The following BAIAP2L2 variants were observed in gnomAD, a reference collection of about 807,000 sequenced individuals.
The protein encoded by BAIAP2L2 is BAR/IMD domain containing adaptor protein 2 like 2, also known as BAR/IMD domain-containing adapter protein 2-like 2.
A neutral mutation model predicts 60.4 loss-of-function variants in BAIAP2L2; 65 were observed. That is an observed-to-expected ratio of 1.08 (90% CI 0.88 to 1.32). The LOEUF is 1.32. BAIAP2L2 is among the 40% of genes most tolerant of loss of function. The probability of loss-of-function intolerance (pLI) is 0.00; values close to 1 mark genes in which losing one functional copy is unlikely to be tolerated. For synonymous variants in BAIAP2L2, 344 were observed against 301.7 expected, an observed-to-expected ratio of 1.14 and a Z score of -1.45; for missense variants, 836 against 741.2, an observed-to-expected ratio of 1.13 and a Z score of -1.48.
Position 38,087,219 on chromosome 22 carries a change from C to T in BAIAP2L2, c.1164G>A (p.Gly388=), listed in dbSNP as rs756812987. 6.2e-6 allele frequency: 10 copies of T among 1,605,452 alleles called. 1 individual carries two copies. The South Asian group carries it at 6.7e-5, about 11-fold the overall frequency. Reference sequence around the variant, plus strand: ...TCACGGGGGTCATGGGATTCACGGGCCCCTCCTCCAGAGCCTTCACGTACG... The same window carrying T: ...TCACGGGGGTCATGGGATTCACGGGTCCCTCCTCCAGAGCCTTCACGTACG... ...PEAYVKALEE[G]PVNPMTPVTP... The change falls in exon 11 of 14, where the codon GGG becomes GGA. Residue 388 remains glycine (G), a synonymous_variant. Transcript: ENST00000381669.
chr22:38,089,661 A>G lies in BAIAP2L2; in HGVS notation c.626T>C (p.Leu209Pro). Residue 209 changes from leucine (L) to proline (P), a missense_variant, in exon 8 of 14, where the codon CTC (leucine) becomes CCC (proline). Coordinates refer to ENST00000381669, the MANE Select transcript of BAIAP2L2 (RefSeq NM_025045.6). Reference sequence around the variant, plus strand: ...CTTCCACAGCAGCACGCGGTTCTGGAGCATCCCCCGGGCCTGGCCGGGCGG... The same window carrying G: ...CTTCCACAGCAGCACGCGGTTCTGGGGCATCCCCCGGGCCTGGCCGGGCGG... The part of the protein sequence containing the change: ...LQFFGRARGM[L>P]QNRVLLWKEQ... 8.1e-7 allele frequency: 1 copy of G among 1,230,442 alleles called. No homozygotes were observed. The allele number at this position is 1,230,442 out of a possible 1,614,324, so 76.2% of individuals were successfully genotyped here. A position where few individuals can be genotyped will look rare whatever the true frequency, so the allele number is the denominator to read the frequency against.
chr22:38,105,026 G>T (rs983239759), intron 4 of BAIAP2L2, among the ~76,000 whole-genome samples: 1 of 152,118 alleles, frequency 6.6e-6, no homozygotes, highest in African/African-American at 2.4e-5. Flanking sequence ...GATTCATTAC[G>T]CTCTAATCTG....
At chr22:38,104,496 CTTTTT>C (rs35517234) in intron 4 of BAIAP2L2, among the ~76,000 whole-genome samples, 1 of 137,420 alleles carries the variant, frequency 7.3e-6, no homozygotes, top group Non-Finnish European at 1.6e-5. Flanking sequence ...ACTCAAATTT[CTTTTT>C]TTTTTTTTTT....
In BAIAP2L2 at chr22:38,089,631, T is replaced by A; in HGVS notation, c.656A>T (p.Gln219Leu). 2 of 1,232,600 alleles carry A rather than the reference T, an allele frequency of 1.6e-6. No homozygotes were observed. The highest frequency in any genetic ancestry group is 2.0e-6 in the Non-Finnish European group (2 of 988,672). 76.4% of individuals were successfully genotyped at this position (1,232,600 alleles called of 1,614,324 possible). A position where few individuals can be genotyped will look rare whatever the true frequency, so the allele number is the denominator to read the frequency against. ...CGACGGGCTGCGGCTGGCCTCAGAC[T>A]GCTCCTTCCACAGCAGCACGCGGTT... ...LQNRVLLWKE[Q>L]SEASRSPSRA... is the part of the protein sequence containing the mutation. The change falls in exon 8 of 14, where the codon CAG becomes CTG. Residue 219 changes from glutamine to leucine, a missense_variant. Coordinates refer to ENST00000381669, the MANE Select transcript of BAIAP2L2 (RefSeq NM_025045.6).
chr22:38,089,098 G>T lies in BAIAP2L2; in HGVS notation c.899C>A (p.Ala300Asp). 1.5e-6 allele frequency: 2 copies of T among 1,377,228 alleles called. No individual in the cohort carries two copies. The highest frequency in any genetic ancestry group is 1.9e-6 in the Non-Finnish European group (2 of 1,071,642). 85.3% of individuals were successfully genotyped at this position (1,377,228 alleles called of 1,614,324 possible). ...CGCCCCGGGGCGGGGGCACTCACAGGCCGACGGCGTGCGGGGCAGGGAGCG... is the reference window on the plus strand; with the variant it reads ...CGCCCCGGGGCGGGGGCACTCACAGTCCGACGGCGTGCGGGGCAGGGAGCG... ...DRRSLPRTPS[A>D]SSLYSGSAQS... Residue 300 changes from alanine (A) to aspartate (D), a missense_variant and splice_region_variant, in exon 9 of 14, where the codon GCC (alanine) becomes GAC (aspartate). Ala to Asp is a moderately radical substitution (Grantham distance 126). Coordinates refer to ENST00000381669, the MANE Select transcript of BAIAP2L2 (RefSeq NM_025045.6).
chr22:38,089,575 CG>C lies in BAIAP2L2; in HGVS notation c.711del (p.Ala238ArgfsTer11). 8.1e-7 allele frequency: 1 copy of C among 1,231,548 alleles called. No homozygotes were observed. The highest frequency in any genetic ancestry group is 4.1e-5 in the South Asian group (1 of 24,484). 76.3% of individuals were successfully genotyped at this position (1,231,548 alleles called of 1,614,324 possible). ...SRAHSPGLLG[P>X]ALGPPYPSGR... ...CCCGAGGGGTAGGGCGGCCCCAGCG[CG>C]GGGCCCAGCAGGCCGGGGGAGTGGG... On this transcript the variant is annotated frameshift_variant, in exon 8 of 14. Coordinates refer to ENST00000381669, the MANE Select transcript of BAIAP2L2 (RefSeq NM_025045.6). LOFTEE classifies it high-confidence loss of function.
chr22:38,094,723 G>A (rs939082036), intron 7 of BAIAP2L2, among the ~76,000 whole-genome samples: 32 of 152,168 alleles, frequency 2.1e-4, no homozygotes, highest in Non-Finnish European at 3.5e-4. Context: ...CGGGTGAGGC[G>A]GTGACAGTGG....
chr22:38,104,507 T>C (rs2086624631), intron 4 of BAIAP2L2, among the ~76,000 whole-genome samples: 1 of 151,726 alleles, frequency 6.6e-6, no homozygotes, highest in Non-Finnish European at 1.5e-5. Flanking sequence ...TTTTTTTTTT[T>C]TTTTTTGAGA....
At chr22:38,103,051 TA>T (rs759453514) in intron 4 of BAIAP2L2, among the ~76,000 whole-genome samples, 1,477 of 132,448 alleles carry the variant, frequency 0.011, 7 homozygotes, top group African/African-American at 0.024. Flanking sequence ...ATCTCAAAAT[TA>T]AAAAAAAAAA....
In BAIAP2L2 at chr22:38,089,590, C is replaced by T. The variant is rs1013526799; in HGVS notation, c.697G>A (p.Gly233Ser). ...GGCCCCAGCGCGGGGCCCAGCAGGCCGGGGGAGTGGGCGCGCGACGGGCTG... is the reference window on the plus strand; with the variant it reads ...GGCCCCAGCGCGGGGCCCAGCAGGCTGGGGGAGTGGGCGCGCGACGGGCTG... ...SRSPSRAHSP[G>S]LLGPALGPPY... Residue 233 changes from glycine (G) to serine (S), a missense_variant, in exon 8 of 14, where the codon GGC becomes AGC. Transcript: ENST00000381669. 2.4e-6 allele frequency: 3 copies of T among 1,234,284 alleles called. No individual in the cohort carries two copies. The highest frequency in any genetic ancestry group is 3.2e-5 in the East Asian group (1 of 31,708). The allele number at this position is 1,234,284 out of a possible 1,614,324, so 76.5% of individuals were successfully genotyped here.
chr22:38,089,552 C>G lies in BAIAP2L2; in HGVS notation c.735G>C (p.Ser245=), dbSNP rs2086227845. Residue 245 remains serine, a synonymous_variant, in exon 8 of 14, where the codon TCG becomes TCC. Coordinates refer to ENST00000381669, the MANE Select transcript of BAIAP2L2 (RefSeq NM_025045.6). ...CCAGGCAGGTGGGCGTCAGGCGGCC[C>G]GAGGGGTAGGGCGGCCCCAGCGCGG... ...LGPALGPPYP[S]GRLTPTCLDM... 4.9e-6 allele frequency: 6 copies of G among 1,226,180 alleles called. No homozygotes were observed. In the Admixed American group the frequency reaches 1.3e-4, roughly 26 times the overall value. The allele number at this position is 1,226,180 out of a possible 1,614,324, so 76.0% of individuals were successfully genotyped here. A position where few individuals can be genotyped will look rare whatever the true frequency, so the allele number is the denominator to read the frequency against.
chr22:38,106,164 C>T (rs376897087), intron 4 of BAIAP2L2, among the ~76,000 whole-genome samples: 1 of 152,188 alleles, frequency 6.6e-6, no homozygotes, highest in South Asian at 2.1e-4. Context: ...AAGGAGTCCA[C>T]GGAGCCCAGG....
intron 6 of BAIAP2L2, 60 bp downstream of exon 6, chr22:38,098,003 T>TGCCCAC: frequency 3.7e-6 from 2 of 540,966 alleles, no homozygotes; most frequent in Non-Finnish European, 5.2e-6. Flanking sequence ...GGGCCCGGTC[T>TGCCCAC]CGCCCCGAGG....
chr22:38,097,079 CTGCT>C lies in BAIAP2L2; in HGVS notation c.561_564del (p.Ala188ArgfsTer60), dbSNP rs2086451336. The C allele has an allele frequency of 2.5e-6, 4 of 1,613,996 alleles. No individual in the cohort carries two copies. Among genetic ancestry groups the C allele is most frequent in the Non-Finnish European group, 3.4e-6 (4 of 1,180,020 alleles). On this transcript the variant is annotated frameshift_variant, in exon 7 of 14. Transcript: ENST00000381669. LOFTEE classifies it high-confidence loss of function. Reference sequence around the variant, plus strand: ...GTGTTGGAAAGTAGCAGGTGCTTCTCTGCTAGGAAGCGATAGCGCCGCTTCTCTT... The same window carrying C: ...GTGTTGGAAAGTAGCAGGTGCTTCTCAGGAAGCGATAGCGCCGCTTCTCTT...
intron 7 of BAIAP2L2, 76 bp from the exon 8 acceptor site, chr22:38,089,750 C>T (rs1050103482): frequency 4.2e-6 from 5 of 1,197,200 alleles, no homozygotes; most frequent in South Asian, 4.2e-5. Context: ...ATGACACCCT[C>T]GACCTGAGAG....
chr22:38,109,283 C>T, intron 1 of BAIAP2L2, 75 bp from the exon 2 acceptor site: 1 of 1,238,158 alleles, frequency 8.1e-7, no homozygotes. Flanking sequence ...GGAGTCAAGT[C>T]ACCAGGCGTC....
chr22:38,109,363 AC>A (rs1156317512), intron 1 of BAIAP2L2, among the ~76,000 whole-genome samples, 155 bp from the exon 2 acceptor site: 2 of 152,052 alleles, frequency 1.3e-5, no homozygotes, highest in African/African-American at 4.8e-5. Flanking sequence ...ACCTAGGCTC[AC>A]CCAGAATCCT....
intron 4 of BAIAP2L2, among the ~76,000 whole-genome samples, chr22:38,105,001 G>A (rs1482669494): frequency 6.6e-6 from 1 of 152,076 alleles, no homozygotes; most frequent in African/African-American, 2.4e-5. Context: ...TTTCAGGTCT[G>A]GTTTGCCTAA....
chr22:38,109,041 G>C lies in BAIAP2L2; in HGVS notation c.127+92C>G, dbSNP rs564734888. The C allele has an allele frequency of 3.4e-3, 3,736 of 1,099,054 alleles. 12 individuals carry two copies. The highest frequency in any genetic ancestry group is 3.9e-3 in the Non-Finnish European group (2,804 of 725,898). 68.1% of individuals were successfully genotyped at this position (1,099,054 alleles called of 1,614,324 possible). ...GAGGGTGTAGGGTTGAGGATGAACAGGTGTGGGATGCAGAGAATCTGGGAG... is the reference window on the plus strand; with the variant it reads ...GAGGGTGTAGGGTTGAGGATGAACACGTGTGGGATGCAGAGAATCTGGGAG... On this transcript the variant is annotated intron_variant, in intron 2 of 13. Transcript: ENST00000381669.
Sources: gnomAD v4.1 joint callset for allele counts (sites outside exome capture counted in the v4.1 genomes callset) on GRCh38, gnomAD v4.1.1 for gene constraint, MANE v1.5 for transcripts, NCBI Gene and HGNC (gene_info 2026-07-23, HGNC 2026-07-21) for gene names.